HDAC9: variants seen among roughly 807,000 people sequenced by gnomAD.
HDAC9 encodes the protein MEF-2 interacting transcription repressor (MITR) protein.
HDAC9 carries 41 observed loss-of-function variants against 139.4 expected under a neutral mutation model. The ratio of observed to expected loss-of-function variants is 0.29; its 90% CI spans 0.23 to 0.38. HDAC9 has a LOEUF of 0.38. Ranked by LOEUF, HDAC9 falls within the 10% of genes least tolerant of loss-of-function variation. HDAC9 has a pLI of 1.00. For synonymous variants in HDAC9, 517 were observed against 476.2 expected, an observed-to-expected ratio of 1.09 and a Z score of -1.12; for missense variants, 1,147 against 1,297.0, an observed-to-expected ratio of 0.88 and a Z score of 1.78.
At chr7:18,627,659 C>A (rs1842062614) in intron 6 of HDAC9, among the ~76,000 whole-genome samples, 2 of 152,106 alleles carry the variant, frequency 1.3e-5, no homozygotes, top group Non-Finnish European at 2.9e-5. Context: ...GAATCCTAAT[C>A]CTTTCCCAAA....
At chr7:18,712,871 G>A (rs1359971550) in intron 12 of HDAC9, among the ~76,000 whole-genome samples, 1 of 152,140 alleles carries the variant, frequency 6.6e-6, no homozygotes, top group East Asian at 1.9e-4. Context: ...ATATGCAAGA[G>A]TTTATTCATG....
chr7:18,400,784 C>A (rs911254345), intron 1 of HDAC9, among the ~76,000 whole-genome samples: 1 of 152,154 alleles, frequency 6.6e-6, no homozygotes, highest in Non-Finnish European at 1.5e-5. Context: ...TCCTGAGGCC[C>A]AGAAAAGGAG....
chr7:18,805,539 G>A (rs1011323032), intron 17 of HDAC9, among the ~76,000 whole-genome samples: 6 of 152,170 alleles, frequency 3.9e-5, no homozygotes, highest in Admixed American at 2.0e-4. Context: ...TGGACACTGC[G>A]CAGAAGCCAA....
chr7:18,759,866 T>C (rs1209133627), intron 14 of HDAC9, among the ~76,000 whole-genome samples: 5 of 152,214 alleles, frequency 3.3e-5, no homozygotes, highest in Non-Finnish European at 5.9e-5. Flanking sequence ...GTGCATGGTA[T>C]GCAAATTTAC....
At chr7:18,294,333 G>A (rs1410134917) in intron 1 of HDAC9, among the ~76,000 whole-genome samples, 2 of 151,978 alleles carry the variant, frequency 1.3e-5, no homozygotes, top group Non-Finnish European at 2.9e-5. Context: ...TTATTCCGTG[G>A]TTTCTTCACC....
intron 2 of HDAC9, among the ~76,000 whole-genome samples, chr7:18,563,939 A>G (rs1321896400): frequency 6.6e-5 from 10 of 150,872 alleles, no homozygotes; most frequent in Admixed American, 4.0e-4. Context: ...AGGTTCAAGC[A>G]ATTCTCCTGC....
chr7:18,679,934 T>G (rs905253293), intron 12 of HDAC9, among the ~76,000 whole-genome samples: 1 of 151,962 alleles, frequency 6.6e-6, no homozygotes, highest in Admixed American at 6.6e-5. Context: ...GTCTTCTAAT[T>G]TGGGATCCCT....
chr7:18,918,822 TGA>T (rs1803437341), intron 22 of HDAC9, among the ~76,000 whole-genome samples: 1 of 152,078 alleles, frequency 6.6e-6, no homozygotes, highest in South Asian at 2.1e-4. Context: ...GTGGAATTAA[TGA>T]GAGTTCTCCT....
At chr7:18,652,063 G>C (rs1053455704) in intron 11 of HDAC9, among the ~76,000 whole-genome samples, 4 of 152,052 alleles carry the variant, frequency 2.6e-5, no homozygotes, top group African/African-American at 9.7e-5. Flanking sequence ...TGTTTTCTGA[G>C]ACATTTTACA....
At position 18,793,497 on chromosome 7, in the gene HDAC9, C is replaced by G. The variant is rs1180288224; in HGVS notation, c.2322+45C>G. ...AAGTGTGGGAAATCCAGAGAAGAAA[C>G]TGAAACAGAGATGTTGTTATGTGGG... On this transcript the variant is annotated intron_variant, in intron 17 of 25. Coordinates refer to ENST00000686413, the MANE Select transcript of HDAC9 (RefSeq NM_178425.4). 7 of 1,208,550 alleles carry G rather than the reference C, an allele frequency of 5.8e-6. No homozygotes were observed. In the Admixed American group the frequency reaches 9.9e-5, roughly 17 times the overall value. 74.9% of individuals were successfully genotyped at this position (1,208,550 alleles called of 1,614,324 possible).
At chr7:18,420,429 G>A (rs1305034622) in intron 1 of HDAC9, among the ~76,000 whole-genome samples, 1 of 152,054 alleles carries the variant, frequency 6.6e-6, no homozygotes, top group African/African-American at 2.4e-5. Context: ...GATAGGCCCT[G>A]GTATAATAAT....
At chr7:18,427,734 G>T (rs1320437725) in intron 1 of HDAC9, among the ~76,000 whole-genome samples, 1 of 150,028 alleles carries the variant, frequency 6.7e-6, no homozygotes, top group Non-Finnish European at 1.5e-5. Flanking sequence ...TTTTATTGTG[G>T]CAAGAACACT....
intron 17 of HDAC9, among the ~76,000 whole-genome samples, chr7:18,800,372 C>A (rs1793182698): frequency 6.6e-6 from 1 of 152,130 alleles, no homozygotes; most frequent in Non-Finnish European, 1.5e-5. Context: ...ATAGTTTAAA[C>A]TCACCGTGTC....
intron 2 of HDAC9, among the ~76,000 whole-genome samples, chr7:18,512,589 A>T (rs868090131): frequency 5.9e-5 from 9 of 152,200 alleles, no homozygotes; most frequent in African/African-American, 1.2e-4. Flanking sequence ...ACAGTTTTTT[A>T]AAAAAGATGC....
At chr7:18,505,320 G>A (rs1172660317) in intron 2 of HDAC9, among the ~76,000 whole-genome samples, 1 of 152,102 alleles carries the variant, frequency 6.6e-6, no homozygotes, top group East Asian at 1.9e-4. Flanking sequence ...GCATTATGGG[G>A]TTCATTTATT....
chr7:18,425,659 C>T (rs1174827160), intron 1 of HDAC9, among the ~76,000 whole-genome samples: 2 of 152,144 alleles, frequency 1.3e-5, no homozygotes, highest in Non-Finnish European at 2.9e-5. Flanking sequence ...GCAGAAAGTG[C>T]CATGTGGGTA....
chr7:18,555,302 G>A (rs756389637), intron 2 of HDAC9, among the ~76,000 whole-genome samples: 12 of 152,118 alleles, frequency 7.9e-5, no homozygotes, highest in Non-Finnish European at 1.5e-4. Context: ...TATAGAAAAA[G>A]CCTGATACTC....
intron 1 of HDAC9, among the ~76,000 whole-genome samples, chr7:18,411,956 G>A (rs905836574): frequency 6.6e-6 from 1 of 151,006 alleles, no homozygotes; most frequent in Non-Finnish European, 1.5e-5. Flanking sequence ...CTCCTGAGTA[G>A]CTGGGACTAC....
upstream of HDAC9, among the ~76,000 whole-genome samples, chr7:18,289,899 T>G (rs1170071848): frequency 6.6e-6 from 1 of 152,154 alleles, no homozygotes; most frequent in East Asian, 1.9e-4. Flanking sequence ...TTTGGTACTT[T>G]GCCCTGTGTT....
Sources: gnomAD v4.1 joint callset for allele counts (sites outside exome capture counted in the v4.1 genomes callset) on GRCh38, gnomAD v4.1.1 for gene constraint, MANE v1.5 for transcripts, NCBI Gene and HGNC (gene_info 2026-07-23, HGNC 2026-07-21) for gene names.